Variants in WWOX observed in about 807,000 individuals in gnomAD.
WWOX encodes WW domain containing oxidoreductase.
In WWOX, 69 loss-of-function variants were observed where a neutral mutation model predicts 46.2. That is an observed-to-expected ratio of 1.49 (90% CI 1.23 to 1.82). The LOEUF is 1.82. WWOX is among the 40% of genes most tolerant of loss of function. The pLI is 0.00. For synonymous variants in WWOX, 359 were observed against 202.6 expected (o/e 1.77, Z -6.56); for missense variants, 919 against 542.6 (o/e 1.69, Z -6.89).
intron 8 of WWOX, among the ~76,000 whole-genome samples, chr16:78,785,114 A>G (rs577636992): frequency 1.1e-4 from 17 of 152,364 alleles, no homozygotes; most frequent in African/African-American, 4.1e-4. Flanking sequence ...ATCCATAAAA[A>G]TAATTCAATA....
rs914237089 is a variant in WWOX at position 79,052,017 on chromosome 16, C to T, written c.1057-159591C>T. The stretch of plus-strand genomic sequence containing the variant: ...CCTTTGTTCTCCTCTGCCTTTGCCT[C>T]TTTTTTCTTTTTTTATTTTAATTTT... On this transcript the variant is annotated intron_variant, in intron 8 of 8. Coordinates refer to ENST00000566780, the MANE Select transcript of WWOX (RefSeq NM_016373.4). 2.1e-5 allele frequency among the ~76,000 whole-genome samples: 3 copies of T among 141,924 alleles called. No individual in the cohort carries two copies. In the Admixed American group the frequency reaches 2.2e-4, roughly 11 times the overall value. 93.1% of individuals were successfully genotyped at this position (141,924 alleles called of 152,430 possible). A position where few individuals can be genotyped will look rare whatever the true frequency, so the allele number is the denominator to read the frequency against.
intron 8 of WWOX, among the ~76,000 whole-genome samples, chr16:78,724,578 G>A (rs531297242): frequency 6.6e-6 from 1 of 152,162 alleles, no homozygotes; most frequent in African/African-American, 2.4e-5. Flanking sequence ...GGGGAATTTG[G>A]GGACATTGAC....
At chr16:78,821,558 T>C (rs2051494950) in intron 8 of WWOX, among the ~76,000 whole-genome samples, 1 of 152,218 alleles carries the variant, frequency 6.6e-6, no homozygotes, top group African/African-American at 2.4e-5. Flanking sequence ...TTCCCAACAG[T>C]GTCCCAGGGT....
intron 8 of WWOX, among the ~76,000 whole-genome samples, chr16:78,633,845 C>T (rs149857034): frequency 2.6e-5 from 4 of 152,152 alleles, no homozygotes; most frequent in African/African-American, 4.8e-5. Context: ...TGTTTTCCTT[C>T]CCACTCACAT....
intron 8 of WWOX, among the ~76,000 whole-genome samples, chr16:78,711,385 C>G (rs980371968): frequency 2.0e-5 from 3 of 152,190 alleles, no homozygotes; most frequent in Non-Finnish European, 4.4e-5. Flanking sequence ...TATCTGGCCA[C>G]TGTATATGCT....
intron 6 of WWOX, among the ~76,000 whole-genome samples, chr16:78,405,800 T>A (rs959915249): frequency 6.6e-6 from 1 of 152,082 alleles, no homozygotes; most frequent in Non-Finnish European, 1.5e-5. Context: ...TCATTCCCTT[T>A]ATAGGGGACA....
At chr16:78,445,240 A>G (rs974035449) in intron 8 of WWOX, among the ~76,000 whole-genome samples, 4 of 152,126 alleles carry the variant, frequency 2.6e-5, no homozygotes, top group Admixed American at 2.6e-4. Context: ...TACCCCATCT[A>G]TTTCCACAAA....
chr16:78,535,954 C>A (rs933172964), intron 8 of WWOX, among the ~76,000 whole-genome samples: 8 of 152,164 alleles, frequency 5.3e-5, no homozygotes, highest in Non-Finnish European at 1.0e-4. Flanking sequence ...AAATTCGTTG[C>A]ATAGCACCTG....
chr16:78,187,909 G>A (rs1404166186), intron 5 of WWOX, among the ~76,000 whole-genome samples: 3 of 152,152 alleles, frequency 2.0e-5, no homozygotes, highest in African/African-American at 7.2e-5. Context: ...TGACGTAACA[G>A]GTGTTTCCCA....
intron 8 of WWOX, among the ~76,000 whole-genome samples, chr16:79,132,456 T>G (rs564718792): frequency 6.6e-6 from 1 of 152,284 alleles, no homozygotes; most frequent in South Asian, 2.1e-4. Context: ...GTTTCGTGAT[T>G]AAAATAATGG....
At chr16:79,188,104 A>G (rs564265418) in intron 8 of WWOX, among the ~76,000 whole-genome samples, 3 of 152,240 alleles carry the variant, frequency 2.0e-5, no homozygotes, top group Admixed American at 6.5e-5. Flanking sequence ...GTGTAGAGTC[A>G]CTTTGATTTT....
At chr16:78,150,121 C>A (rs916575923) in intron 4 of WWOX, among the ~76,000 whole-genome samples, 1 of 152,134 alleles carries the variant, frequency 6.6e-6, no homozygotes. Flanking sequence ...TCACTGGCTA[C>A]AAATTGGGGT....
intron 6 of WWOX, among the ~76,000 whole-genome samples, chr16:78,393,061 C>T (rs1397605692): frequency 2.0e-5 from 3 of 152,182 alleles, no homozygotes; most frequent in Admixed American, 6.5e-5. Context: ...TCCACCCAAA[C>T]TGGCTTGTGA....
At chr16:78,804,489 C>G (rs1409234336) in intron 8 of WWOX, among the ~76,000 whole-genome samples, 1 of 151,922 alleles carries the variant, frequency 6.6e-6, no homozygotes, top group Non-Finnish European at 1.5e-5. Context: ...ATTAGTCATG[C>G]AAACAAGCGC....
At chr16:78,284,577 C>T (rs2079736843) in intron 5 of WWOX, among the ~76,000 whole-genome samples, 1 of 152,206 alleles carries the variant, frequency 6.6e-6, no homozygotes, top group Non-Finnish European at 1.5e-5. Context: ...GACACAGTCT[C>T]ATCTTTGAGG....
chr16:78,133,522 A>C lies in WWOX; in HGVS notation c.409+18368A>C, dbSNP rs192413237. 3.9e-4 allele frequency among the ~76,000 whole-genome samples: 60 copies of C among 152,278 alleles called. 1 individual carries two copies. In the East Asian group the frequency reaches 0.011, roughly 28 times the overall value. On this transcript the variant is annotated intron_variant, in intron 4 of 8. Coordinates refer to ENST00000566780, the MANE Select transcript of WWOX (RefSeq NM_016373.4). ...GTGATCTGCCCGCCTTGGCCTCCCAAAGTGCTGGGATTACAGGCTCACGCC... is the reference window on the plus strand; with the variant it reads ...GTGATCTGCCCGCCTTGGCCTCCCACAGTGCTGGGATTACAGGCTCACGCC...
At chr16:78,938,036 G>A (rs1482744278) in intron 8 of WWOX, among the ~76,000 whole-genome samples, 1 of 152,172 alleles carries the variant, frequency 6.6e-6, no homozygotes, top group Non-Finnish European at 1.5e-5. Context: ...CCGTCCTATG[G>A]GGAGATAGGT....
intron 8 of WWOX, among the ~76,000 whole-genome samples, chr16:78,792,737 G>A (rs1447525682): frequency 5.9e-5 from 9 of 152,152 alleles, no homozygotes; most frequent in Admixed American, 5.2e-4. Context: ...ATCTTAAGAT[G>A]AGGGTTAGCC....
chr16:78,985,682 T>C (rs945906726), intron 8 of WWOX, among the ~76,000 whole-genome samples: 8 of 152,122 alleles, frequency 5.3e-5, no homozygotes, highest in Non-Finnish European at 1.0e-4. Context: ...GGCAGGAGAA[T>C]TGCTTGAATC....
Sources: gnomAD v4.1 joint callset for allele counts (sites outside exome capture counted in the v4.1 genomes callset) on GRCh38, gnomAD v4.1.1 for gene constraint, MANE v1.5 for transcripts, NCBI Gene and HGNC (gene_info 2026-07-23, HGNC 2026-07-21) for gene names.